The following ANKRA2 variants were observed in gnomAD, a reference collection of about 807,000 sequenced individuals.
ANKRA2 encodes ankyrin repeat family A protein 2.
Under a neutral mutation model 37.8 loss-of-function variants are expected in ANKRA2, and 33 were observed. The observed-to-expected ratio is 0.87, with a 90% CI of 0.66 to 1.17. The LOEUF (loss-of-function observed/expected upper bound fraction) is 1.17, where lower values mean the gene tolerates loss of function less well. Among genes scored for constraint, ANKRA2 ranks in the 50% most tolerant of loss-of-function variants. The probability of loss-of-function intolerance (pLI) is 0.00; values close to 1 mark genes in which losing one functional copy is unlikely to be tolerated. For missense variants in ANKRA2, 326 were observed against 373.7 expected, an observed-to-expected ratio of 0.87 and a Z score of 1.05; for synonymous variants, 126 against 132.3, an observed-to-expected ratio of 0.95 and a Z score of 0.33.
At chr5:73,564,517 A>AT (rs1206418128) in intron 1 of ANKRA2, among the ~76,000 whole-genome samples, 3 of 152,104 alleles carry the variant, frequency 2.0e-5, no homozygotes, top group African/African-American at 7.2e-5. Context: ...AACTTTAACA[A>AT]TTTTTTCCAT....
intron 7 of ANKRA2, among the ~76,000 whole-genome samples, chr5:73,553,776 T>C (rs1411530924): frequency 1.4e-5 from 2 of 147,228 alleles, no homozygotes; most frequent in East Asian, 2.0e-4. Context: ...TTCATTTTCT[T>C]TTCTTCTTTT....
chr5:73,553,366 G>A, intron 8 of ANKRA2, 40 bp downstream of exon 8: 1 of 1,487,892 alleles, frequency 6.7e-7, no homozygotes, highest in Non-Finnish European at 9.3e-7. Context: ...TATTTACAGA[G>A]CTTTACTAAG....
intron 1 of ANKRA2, 92 bp downstream of exon 1, chr5:73,565,039 TG>T (rs1413713549): frequency 3.3e-5 from 5 of 152,158 alleles, no homozygotes; most frequent in African/African-American, 1.2e-4. Context: ...CTAGTTCCTG[TG>T]GATGCTAATA....
chr5:73,554,574 G>T, intron 6 of ANKRA2, 186 bp from the exon 7 acceptor site: 1 of 551,210 alleles, frequency 1.8e-6, no homozygotes, highest in Non-Finnish European at 3.1e-6. Context: ...CTTCTATGTA[G>T]CTAATTAATT....
intron 3 of ANKRA2, 128 bp downstream of exon 3, chr5:73,561,002 T>C: frequency 2.1e-6 from 2 of 968,066 alleles, no homozygotes; most frequent in Non-Finnish European, 3.0e-6. Flanking sequence ...TTGAATAGTA[T>C]TCCATTGTGT....
intron 3 of ANKRA2, among the ~76,000 whole-genome samples, chr5:73,560,666 G>C (rs1039646439): frequency 1.1e-4 from 16 of 152,180 alleles, no homozygotes; most frequent in African/African-American, 3.6e-4. Flanking sequence ...GATTACAGGT[G>C]TGAGCCACCA....
At position 73,561,296 on chromosome 5, in the gene ANKRA2, A is replaced by G; in HGVS notation, c.290-8T>C. ...TATGGATATTGCATTCAGCTAAGTG[A>G]AAAACAAATGTAAACACATTAAAAG... On this transcript the variant is annotated splice_polypyrimidine_tract_variant and splice_region_variant and intron_variant, in intron 2 of 8. Coordinates refer to ENST00000296785, the MANE Select transcript of ANKRA2 (RefSeq NM_023039.5). 6.2e-7 allele frequency: 1 copy of G among 1,610,314 alleles called. No homozygotes were observed. The highest frequency in any genetic ancestry group is 2.2e-5 in the East Asian group (1 of 44,834).
intron 4 of ANKRA2, 96 bp downstream of exon 4, chr5:73,557,479 T>C (rs1747432470): frequency 1.3e-6 from 1 of 752,380 alleles, no homozygotes. Flanking sequence ...TAACTATTTG[T>C]TTTTGTCTTT....
At chr5:73,558,352 T>C (rs1204897361) in intron 3 of ANKRA2, among the ~76,000 whole-genome samples, 1 of 152,164 alleles carries the variant, frequency 6.6e-6, no homozygotes, top group Non-Finnish European at 1.5e-5. Flanking sequence ...ATTTAATTTT[T>C]AAAATGCTAT....
At chr5:73,556,119 T>A (rs1396766905) in intron 4 of ANKRA2, among the ~76,000 whole-genome samples, 1 of 152,240 alleles carries the variant, frequency 6.6e-6, no homozygotes, top group Non-Finnish European at 1.5e-5. Flanking sequence ...ATTTCTCTCA[T>A]TCTTGTGGTT....
At chr5:73,553,258 T>C (rs1025845313) in intron 8 of ANKRA2, 148 bp downstream of exon 8, 12 of 600,524 alleles carry the variant, frequency 2.0e-5, no homozygotes, top group African/African-American at 3.7e-5. Context: ...TTATAGGAAT[T>C]TGTGGACTTT....
rs749997797 is a variant in ANKRA2, at chr5:73,554,940, G to A, written c.659C>T (p.Ser220Leu). ...TGTGTAGCCTTTACTACAGGCCAAC[G>A]ACAGTGCACTTTCTCGACCTTTTCC... ...LLGKGRESALSLACSKGYTDI... is the reference protein window; with the variant it reads ...LLGKGRESALLLACSKGYTDI... The change falls in exon 6 of 9, where the codon TCG (serine) becomes TTG (leucine). Residue 220 changes from serine to leucine, a missense_variant. Coordinates refer to ENST00000296785, the MANE Select transcript of ANKRA2 (RefSeq NM_023039.5). The A allele has an allele frequency of 9.9e-6, 16 of 1,613,538 alleles. No homozygotes were observed. The highest frequency in any genetic ancestry group is 5.0e-5 in the Admixed American group (3 of 59,978).
chr5:73,564,895 T>G (rs1747678910), intron 1 of ANKRA2, among the ~76,000 whole-genome samples: 2 of 141,906 alleles, frequency 1.4e-5, no homozygotes, highest in South Asian at 2.3e-4. Flanking sequence ...GTGAGGGGAG[T>G]GGGGTAACAG....
chr5:73,556,993 C>CATAT (rs1158876203), intron 4 of ANKRA2, among the ~76,000 whole-genome samples: 2 of 146,516 alleles, frequency 1.4e-5, no homozygotes, highest in South Asian at 2.1e-4. Flanking sequence ...TAAAAAAATA[C>CATAT]ATATATATAT....
chr5:73,561,672 C>G (rs1747558157), intron 2 of ANKRA2, among the ~76,000 whole-genome samples: 1 of 151,886 alleles, frequency 6.6e-6, no homozygotes, highest in South Asian at 2.1e-4. Context: ...GAGGCTGAGG[C>G]AGGAGAATTG....
At chr5:73,553,542 T>C (rs543570233) in intron 7 of ANKRA2, 56 bp from the exon 8 acceptor site, 2 of 1,407,944 alleles carry the variant, frequency 1.4e-6, no homozygotes, top group Non-Finnish European at 1.0e-6. Context: ...TATGTTTGTC[T>C]GTTATTGGCT....
chr5:73,555,429 C>G (rs1747372109), intron 5 of ANKRA2, 59 bp downstream of exon 5: 1 of 1,599,358 alleles, frequency 6.3e-7, no homozygotes, highest in East Asian at 2.2e-5. Flanking sequence ...TATAAAAACT[C>G]TACTAAAGAC....
chr5:73,557,408 TTCCTTTTTTTTTTTTTTTTTTTTTTACTA>T (rs1747427306), intron 4 of ANKRA2, 138 bp downstream of exon 4: 1 of 370,776 alleles, frequency 2.7e-6, no homozygotes, highest in Admixed American at 5.9e-5. Context: ...ACGCTTTATA[TTCCTTTTTTTTTTTTTTTTTTTTTTACTA>T]TCCATTGGGT....
rs750457418 is a variant in ANKRA2, at chr5:73,554,386, A to G, written c.741T>C (p.Asn247=). ...CAGCATAAAGCAGAGGTGTTCCTCC[A>G]TTCTGCAAAATGAAAAGGTGATTCA... ...CGVDVNEYDW[N]GGTPLLYAVH... is the part of the protein sequence containing the mutation. The change falls in exon 7 of 9, where the codon AAT becomes AAC. Residue 247 remains asparagine, a splice_region_variant and synonymous_variant. Coordinates refer to ENST00000296785, the MANE Select transcript of ANKRA2 (RefSeq NM_023039.5). The G allele has an allele frequency of 1.9e-6, 3 of 1,610,890 alleles. No individual in the cohort carries two copies. The African/African-American group carries it at 4.0e-5, about 22-fold the overall frequency.
Sources: gnomAD v4.1 joint callset for allele counts (sites outside exome capture counted in the v4.1 genomes callset) on GRCh38, gnomAD v4.1.1 for gene constraint, MANE v1.5 for transcripts, NCBI Gene and HGNC (gene_info 2026-07-23, HGNC 2026-07-21) for gene names.